The following ANKS1B variants were observed in gnomAD, a reference collection of about 807,000 sequenced individuals.
The protein encoded by ANKS1B is ankyrin repeat and sterile alpha motif domain-containing protein 1B.
Under a neutral mutation model 148.3 loss-of-function variants are expected in ANKS1B, and 36 were observed. That is an observed-to-expected ratio of 0.24 (90% confidence interval 0.19 to 0.32). The LOEUF is 0.32. Ranked by LOEUF, ANKS1B falls within the 10% of genes least tolerant of loss-of-function variation. The probability of loss-of-function intolerance (pLI) is 1.00; values close to 1 mark genes in which losing one functional copy is unlikely to be tolerated. For synonymous variants in ANKS1B, 542 were observed against 560.8 expected (o/e 0.97, Z 0.47); for missense variants, 1,157 against 1,542.6 (o/e 0.75, Z 4.19).
chr12:99,378,667 A>AG, intron 12 of ANKS1B, among the ~76,000 whole-genome samples: 1 of 150,904 alleles, frequency 6.6e-6, no homozygotes, highest in South Asian at 2.1e-4. Flanking sequence ...AAAAAAAAAA[A>AG]AAAAAAGAAA....
chr12:99,627,679 G>T (rs1031489707), intron 9 of ANKS1B, among the ~76,000 whole-genome samples: 2 of 152,164 alleles, frequency 1.3e-5, no homozygotes, highest in African/African-American at 2.4e-5. Flanking sequence ...ACACAGCAGA[G>T]TGTGCTGGAG....
intron 12 of ANKS1B, among the ~76,000 whole-genome samples, chr12:99,260,761 T>C (rs1002109097): frequency 6.6e-6 from 1 of 152,072 alleles, no homozygotes; most frequent in Admixed American, 6.6e-5. Context: ...GCTTAGAAAA[T>C]CGATCATTTA....
intron 12 of ANKS1B, among the ~76,000 whole-genome samples, chr12:99,372,329 G>A (rs2093182110): frequency 6.6e-6 from 1 of 151,884 alleles, no homozygotes; most frequent in African/African-American, 2.4e-5. Flanking sequence ...ACCCAAGTGT[G>A]AATAAAACAT....
At chr12:99,648,889 A>G in intron 9 of ANKS1B, 1 of 1,448,778 alleles carries the variant, frequency 6.9e-7, no homozygotes, top group Non-Finnish European at 9.1e-7. Flanking sequence ...TGGGAAATGC[A>G]TTGCATTTGG....
At chr12:99,225,855 T>C (rs2085852609) in intron 14 of ANKS1B, among the ~76,000 whole-genome samples, 1 of 152,340 alleles carries the variant, frequency 6.6e-6, no homozygotes, top group Admixed American at 6.5e-5. Flanking sequence ...AGACAGCATA[T>C]TGTGGGACTT....
intron 14 of ANKS1B, among the ~76,000 whole-genome samples, chr12:99,194,447 T>C (rs575254832): frequency 6.6e-6 from 1 of 151,872 alleles, no homozygotes; most frequent in East Asian, 1.9e-4. Context: ...AAATAGAGTT[T>C]CATATTTTGA....
chr12:99,875,540 TGAA>T (rs927309173), intron 1 of ANKS1B, among the ~76,000 whole-genome samples: 2 of 152,040 alleles, frequency 1.3e-5, no homozygotes, highest in African/African-American at 4.8e-5. Flanking sequence ...AAAGAAATTT[TGAA>T]GAAGTAATGA....
chr12:98,792,140 A>G lies in ANKS1B; in HGVS notation c.3342+6794T>C, dbSNP rs554227228. Reference sequence around the variant, plus strand: ...CAGATTCAATGAGAACTATGGGGAAACTATCCAAATCCTTTGGGAAATAAA... The same window carrying G: ...CAGATTCAATGAGAACTATGGGGAAGCTATCCAAATCCTTTGGGAAATAAA... On this transcript the variant is annotated intron_variant, in intron 22 of 26. Coordinates refer to ENST00000683438, the MANE Select transcript of ANKS1B (RefSeq NM_001352186.2). Among the ~76,000 whole-genome samples the G allele has an allele frequency of 3.5e-4, 54 of 152,324 alleles. 1 individual carries two copies. The highest frequency in any genetic ancestry group is 6.8e-4 in the Non-Finnish European group (46 of 68,022).
intron 11 of ANKS1B, among the ~76,000 whole-genome samples, chr12:99,435,424 A>G (rs2095443889): frequency 6.6e-6 from 1 of 152,096 alleles, no homozygotes; most frequent in South Asian, 2.1e-4. Flanking sequence ...TACATTTTCT[A>G]AAATCCACAG....
intron 17 of ANKS1B, among the ~76,000 whole-genome samples, chr12:98,893,955 G>T (rs747781157): frequency 6.6e-5 from 10 of 152,186 alleles, no homozygotes; most frequent in Non-Finnish European, 1.2e-4. Flanking sequence ...TTGTAACCTG[G>T]AGTAAAATCA....
intron 1 of ANKS1B, among the ~76,000 whole-genome samples, chr12:99,928,962 T>A (rs972896574): frequency 6.6e-6 from 1 of 152,144 alleles, no homozygotes; most frequent in African/African-American, 2.4e-5. Context: ...GTAAACTAGT[T>A]AGTAGAAGTA....
chr12:99,623,210 G>T (rs958928882), intron 9 of ANKS1B, among the ~76,000 whole-genome samples: 6 of 151,428 alleles, frequency 4.0e-5, no homozygotes, highest in South Asian at 2.1e-4. Flanking sequence ...ATCTCTTCAT[G>T]ATTAAAAAAA....
chr12:99,218,718 C>G (rs575154701), intron 14 of ANKS1B, among the ~76,000 whole-genome samples: 1 of 152,306 alleles, frequency 6.6e-6, no homozygotes, highest in African/African-American at 2.4e-5. Context: ...CCCTCCATTT[C>G]ATGGTCTGTA....
intron 9 of ANKS1B, among the ~76,000 whole-genome samples, chr12:99,506,424 A>G (rs1161907960): frequency 1.3e-5 from 2 of 152,044 alleles, no homozygotes; most frequent in African/African-American, 4.8e-5. Flanking sequence ...CTCCATTGAA[A>G]GCAGGAAATT....
intron 1 of ANKS1B, among the ~76,000 whole-genome samples, chr12:99,893,952 G>A (rs767817098): frequency 3.3e-5 from 5 of 151,880 alleles, no homozygotes; most frequent in Non-Finnish European, 5.9e-5. Flanking sequence ...ATGGACATAC[G>A]GAGCCCAACT....
chr12:99,001,378 C>T (rs543396324), intron 17 of ANKS1B, among the ~76,000 whole-genome samples: 1 of 152,294 alleles, frequency 6.6e-6, no homozygotes, highest in East Asian at 1.9e-4. Context: ...ATCCTCCTGT[C>T]TCAGCCTCCT....
intron 1 of ANKS1B, among the ~76,000 whole-genome samples, chr12:99,828,973 ACT>A (rs1203686265): frequency 6.6e-6 from 1 of 151,982 alleles, no homozygotes; most frequent in Non-Finnish European, 1.5e-5. Context: ...ACAGAATGAG[ACT>A]CTGTCTCAAA....
At chr12:99,532,337 GGTTT>G (rs1407525623) in intron 9 of ANKS1B, among the ~76,000 whole-genome samples, 1 of 151,506 alleles carries the variant, frequency 6.6e-6, no homozygotes, top group South Asian at 2.1e-4. Context: ...TTACATTTAA[GGTTT>G]TTTTGTTGTT....
chr12:99,950,339 A>G (rs1346294901), intron 1 of ANKS1B, among the ~76,000 whole-genome samples: 1 of 151,916 alleles, frequency 6.6e-6, no homozygotes, highest in East Asian at 1.9e-4. Flanking sequence ...AATTATCAAG[A>G]CTATCATTTG....
Sources: gnomAD v4.1 joint callset for allele counts (sites outside exome capture counted in the v4.1 genomes callset) on GRCh38, gnomAD v4.1.1 for gene constraint, MANE v1.5 for transcripts, NCBI Gene and HGNC (gene_info 2026-07-23, HGNC 2026-07-21) for gene names.